The following CAPRIN2 variants were observed in gnomAD, a reference collection of about 807,000 sequenced individuals.
CAPRIN2 encodes the protein caprin-2.
CAPRIN2 carries 66 observed loss-of-function variants against 130.4 expected under a neutral mutation model. The ratio of observed to expected loss-of-function variants is 0.51; its 90% CI spans 0.42 to 0.62. CAPRIN2 has a LOEUF of 0.62. Among genes scored for constraint, CAPRIN2 ranks in the 20% least tolerant of loss-of-function variants. The pLI is 0.00. For synonymous variants in CAPRIN2, 471 were observed against 444.1 expected (o/e 1.06, Z -0.76); for missense variants, 1,185 against 1,246.6 (o/e 0.95, Z 0.74).
At chr12:30,728,572 A>T in intron 8 of CAPRIN2, 76 bp downstream of exon 9, 18 of 1,128,060 alleles carry the variant, frequency 1.6e-5, no homozygotes, top group Non-Finnish European at 1.9e-5. Context: ...AAAAAAAAAG[A>T]GAACTAAAAA....
intron 2 of CAPRIN2, among the ~76,000 whole-genome samples, chr12:30,747,300 C>T (rs1233488809): frequency 6.6e-6 from 1 of 152,144 alleles, no homozygotes; most frequent in Non-Finnish European, 1.5e-5. Flanking sequence ...ATACACAAAT[C>T]AATGATGTTT....
At chr12:30,732,426 T>C (rs954926314) in intron 5 of CAPRIN2, among the ~76,000 whole-genome samples, 3 of 152,034 alleles carry the variant, frequency 2.0e-5, no homozygotes, top group African/African-American at 4.8e-5. Context: ...AGATATAATT[T>C]ACAGGCAAAA....
At chr12:30,717,570 TTC>T (rs914483534) in intron 12 of CAPRIN2, among the ~76,000 whole-genome samples, 1 of 151,938 alleles carries the variant, frequency 6.6e-6, no homozygotes, top group Non-Finnish European at 1.5e-5. Flanking sequence ...AAATGGTAAA[TTC>T]TGTTACATAC....
intron 12 of CAPRIN2, among the ~76,000 whole-genome samples, chr12:30,718,285 C>A (rs575072871): frequency 6.6e-6 from 1 of 152,320 alleles, no homozygotes; most frequent in East Asian, 1.9e-4. Flanking sequence ...AGGAACTATT[C>A]TATCTAGAAA....
At chr12:30,727,869 T>C (rs2061399573) in intron 8 of CAPRIN2, among the ~76,000 whole-genome samples, 1 of 152,200 alleles carries the variant, frequency 6.6e-6, no homozygotes, top group South Asian at 2.1e-4. Flanking sequence ...CCATAAACCT[T>C]CTTCATAAAG....
In CAPRIN2 at chr12:30,710,919, T is replaced by C. The variant is rs748116469; in HGVS notation, c.2666-449A>G. The stretch of plus-strand genomic sequence containing the variant: ...CACTAGCCATTCAGAGATATATTGA[T>C]ATGGAACTAAGTCCCATGATGATGA... On this transcript the variant is annotated intron_variant, in intron 16 of 16. Transcript: ENST00000298892. The surrounding 1 kb of genome is among the most constrained non-coding windows in gnomAD (Gnocchi z 4.8). 6.6e-6 allele frequency among the ~76,000 whole-genome samples: 1 copy of C among 152,252 alleles called. No individual in the cohort carries two copies. Among genetic ancestry groups the C allele is most frequent in the Non-Finnish European group, 1.5e-5 (1 of 68,048 alleles).
At chr12:30,722,878 T>C (rs566070782) in intron 11 of CAPRIN2, among the ~76,000 whole-genome samples, 18 of 152,302 alleles carry the variant, frequency 1.2e-4, no homozygotes, top group African/African-American at 4.1e-4. Flanking sequence ...CACTCCAGCC[T>C]GGGCGACAGA....
rs562402651 is a variant in CAPRIN2, at chr12:30,725,902, C to T, written c.1905+64G>A. ...GAATAATCTATGCTCTTAATAATTT[C>T]ACTGTAATGTTTCCAGTCAGAAGCC... On this transcript the variant is annotated intron_variant, in intron 9 of 16. Coordinates refer to ENST00000298892, the Ensembl canonical transcript of CAPRIN2. 2.1e-5 allele frequency: 28 copies of T among 1,325,266 alleles called. No homozygotes were observed. In the South Asian group the frequency reaches 5.0e-4, roughly 24 times the overall value. The allele number at this position is 1,325,266 out of a possible 1,614,324, so 82.1% of individuals were successfully genotyped here. A position where few individuals can be genotyped will look rare whatever the true frequency, so the allele number is the denominator to read the frequency against.
chr12:30,751,402 C>T (rs2073794092), intron 1 of CAPRIN2: 1 of 373,774 alleles, frequency 2.7e-6, no homozygotes, highest in Non-Finnish European at 5.1e-6. Context: ...AACTAGACTA[C>T]TTAACCCATG....
At position 30,728,963 on chromosome 12, in the gene CAPRIN2, C is replaced by T. The variant is rs377615122; in HGVS notation, c.1467G>A (p.Lys489=). The change falls in exon 8 of 17, where the codon AAG becomes AAA. Residue 489 remains lysine (K), a synonymous_variant. Coordinates refer to ENST00000298892, the Ensembl canonical transcript of CAPRIN2. Reference sequence around the variant, plus strand: ...GCCACAGCTTTGGTGTCTCCTGTTTCTTTTGTTCCTCTTGAACATACCCTG... The same window carrying T: ...GCCACAGCTTTGGTGTCTCCTGTTTTTTTTGTTCCTCTTGAACATACCCTG... 7.4e-6 allele frequency: 12 copies of T among 1,614,064 alleles called. No individual in the cohort carries two copies. The African/African-American group carries it at 1.6e-4, about 22-fold the overall frequency.
At chr12:30,723,343 C>T (rs761657640) in intron 10 of CAPRIN2, 29 bp from the exon 12 acceptor site, 1 of 1,531,526 alleles carries the variant, frequency 6.5e-7, no homozygotes, top group Admixed American at 1.7e-5. Flanking sequence ...ACAGTAACTA[C>T]TGAGGGAAGA....
exon 3 of CAPRIN2, chr12:30,741,057 T>G (rs755108469): frequency 6.2e-7 from 1 of 1,612,004 alleles, no homozygotes; most frequent in Non-Finnish European, 8.5e-7. Context: ...TTGAAGCTCC[T>G]TGGCAAATTC....
intron 3 of CAPRIN2, among the ~76,000 whole-genome samples, chr12:30,740,622 T>G (rs1426113837): frequency 6.6e-6 from 1 of 152,206 alleles, no homozygotes; most frequent in Non-Finnish European, 1.5e-5. Flanking sequence ...CTACCAACTC[T>G]GTTGTCTCAT....
chr12:30,753,283 A>C (rs2074860237), intron 1 of CAPRIN2, 61 bp downstream of exon 2: 1 of 1,411,936 alleles, frequency 7.1e-7, no homozygotes. Flanking sequence ...TCTGAAAGAA[A>C]AATGTCAGCT....
chr12:30,746,368 T>C (rs2070372641), intron 2 of CAPRIN2, among the ~76,000 whole-genome samples: 2 of 152,224 alleles, frequency 1.3e-5, no homozygotes, highest in Non-Finnish European at 2.9e-5. Context: ...CACTCCAGCC[T>C]GGTGAGAGAG....
Position 30,710,947 on chromosome 12 carries a change from G to C in CAPRIN2, c.2666-477C>G, listed in dbSNP as rs1371718745. On this transcript the variant is annotated intron_variant, in intron 16 of 16. Coordinates refer to ENST00000298892, the Ensembl canonical transcript of CAPRIN2. The surrounding 1 kb of genome is among the most constrained non-coding windows in gnomAD (Gnocchi z 4.8). ...GGAACTAAGTCCCATGATGATGAAT[G>C]CTTTTTTTATTTCCAAGTCATACAC... 6.6e-6 allele frequency among the ~76,000 whole-genome samples: 1 copy of C among 152,170 alleles called. No individual in the cohort carries two copies. The highest frequency in any genetic ancestry group is 6.6e-5 in the Admixed American group (1 of 15,254).
chr12:30,753,822 A>G, exon 1 of CAPRIN2: 1 of 1,485,952 alleles, frequency 6.7e-7, no homozygotes, highest in Non-Finnish European at 9.0e-7. Context: ...CATAGGCAAA[A>G]TCTCCCAATA....
At chr12:30,735,748 A>G (rs2064444400) in intron 3 of CAPRIN2, among the ~76,000 whole-genome samples, 1 of 152,218 alleles carries the variant, frequency 6.6e-6, no homozygotes, top group African/African-American at 2.4e-5. Flanking sequence ...AAGTAAAATT[A>G]AAAATTTTTT....
chr12:30,715,516 G>C (rs1259303531), intron 13 of CAPRIN2: 3 of 450,422 alleles, frequency 6.7e-6, no homozygotes, highest in African/African-American at 2.0e-5. Context: ...GGGGGGAGAG[G>C]AGGAGGAGGA....
Sources: gnomAD v4.1 joint callset for allele counts (sites outside exome capture counted in the v4.1 genomes callset) on GRCh38, gnomAD v4.1.1 for gene constraint, Gnocchi (gnomAD v3.1) non-coding constraint, MANE v1.5 for transcripts, NCBI Gene and HGNC (gene_info 2026-07-23, HGNC 2026-07-21) for gene names.